The following CDH12 variants were observed in gnomAD, a reference collection of about 807,000 sequenced individuals.
The protein encoded by CDH12 is cadherin-12.
In CDH12, 41 loss-of-function variants were observed where a neutral mutation model predicts 74.1. The observed-to-expected ratio is 0.55, with a 90% CI of 0.43 to 0.72. The LOEUF (loss-of-function observed/expected upper bound fraction) is 0.72. CDH12 is among the 30% of genes least tolerant of loss of function. CDH12 has a pLI of 0.00. For missense variants in CDH12, 945 were observed against 977.2 expected, an observed-to-expected ratio of 0.97 and a Z score of 0.44; for synonymous variants, 399 against 355.0, an observed-to-expected ratio of 1.12 and a Z score of -1.39.
intron 1 of CDH12, among the ~76,000 whole-genome samples, chr5:22,795,205 T>G (rs867140021): frequency 6.6e-6 from 1 of 152,186 alleles, no homozygotes; most frequent in Non-Finnish European, 1.5e-5. Flanking sequence ...AAATTTCAAA[T>G]GACTAACTTT....
At chr5:22,246,882 C>G (rs1273477379) in intron 3 of CDH12, among the ~76,000 whole-genome samples, 1 of 152,010 alleles carries the variant, frequency 6.6e-6, no homozygotes, top group Admixed American at 6.6e-5. Flanking sequence ...CCTTTAGATA[C>G]TCATGAATGA....
At chr5:22,631,772 G>A (rs1326539864) in intron 1 of CDH12, among the ~76,000 whole-genome samples, 2 of 152,126 alleles carry the variant, frequency 1.3e-5, no homozygotes, top group Non-Finnish European at 2.9e-5. Flanking sequence ...AATCCTGGTG[G>A]AAGGCAAAGG....
At chr5:22,069,747 C>T (rs114429004) in intron 5 of CDH12, among the ~76,000 whole-genome samples, 80 of 152,160 alleles carry the variant, frequency 5.3e-4, no homozygotes, top group African/African-American at 1.9e-3. Flanking sequence ...GGATTGACAC[C>T]CCACAATGGA....
intron 2 of CDH12, among the ~76,000 whole-genome samples, chr5:22,481,025 T>TA (rs950394848): frequency 6.6e-6 from 1 of 152,218 alleles, no homozygotes; most frequent in Non-Finnish European, 1.5e-5. Flanking sequence ...TGACTAGTAT[T>TA]AAAAAAATTA....
intron 1 of CDH12, among the ~76,000 whole-genome samples, chr5:22,698,390 G>A (rs1395597138): frequency 1.3e-5 from 2 of 151,064 alleles, no homozygotes; most frequent in African/African-American, 4.9e-5. Context: ...CAAAATGCTG[G>A]GATTACAGGA....
At chr5:22,371,563 T>G (rs1029156139) in intron 3 of CDH12, among the ~76,000 whole-genome samples, 7 of 152,180 alleles carry the variant, frequency 4.6e-5, no homozygotes, top group African/African-American at 1.7e-4. Flanking sequence ...TATTATTATT[T>G]TTTAACCAAC....
At chr5:22,253,336 A>G (rs1311556981) in intron 3 of CDH12, among the ~76,000 whole-genome samples, 2 of 151,920 alleles carry the variant, frequency 1.3e-5, no homozygotes, top group African/African-American at 2.4e-5. Context: ...AAATAACTTT[A>G]TAACTGTTAA....
At chr5:22,697,868 G>C (rs1742461267) in intron 1 of CDH12, among the ~76,000 whole-genome samples, 2 of 151,982 alleles carry the variant, frequency 1.3e-5, no homozygotes, top group African/African-American at 2.4e-5. Context: ...GCATGTGCAC[G>C]AAGAAGAGGC....
intron 1 of CDH12, among the ~76,000 whole-genome samples, chr5:22,753,245 A>G (rs1351305893): frequency 2.0e-5 from 3 of 151,850 alleles, no homozygotes; most frequent in Non-Finnish European, 4.4e-5. Context: ...GAGGTAGAAG[A>G]TGAGGTGGTG....
intron 1 of CDH12, among the ~76,000 whole-genome samples, chr5:22,759,327 T>C (rs1746088786): frequency 6.6e-6 from 1 of 152,240 alleles, no homozygotes; most frequent in African/African-American, 2.4e-5. Context: ...CAGCTCATAA[T>C]TGAAATGATG....
chr5:22,275,122 T>G (rs1190295976), intron 3 of CDH12, among the ~76,000 whole-genome samples: 5 of 152,072 alleles, frequency 3.3e-5, no homozygotes, highest in African/African-American at 1.2e-4. Flanking sequence ...CACTGAGGCC[T>G]GTCAGGAGGT....
At chr5:22,211,054 C>T (rs536718499) in intron 4 of CDH12, among the ~76,000 whole-genome samples, 1 of 152,170 alleles carries the variant, frequency 6.6e-6, no homozygotes, top group African/African-American at 2.4e-5. Context: ...ATAGTTTACT[C>T]CTCTGGAAGA....
chr5:22,170,412 C>T (rs1748950501), intron 4 of CDH12, among the ~76,000 whole-genome samples: 1 of 151,738 alleles, frequency 6.6e-6, no homozygotes, highest in African/African-American at 2.4e-5. Flanking sequence ...ACTTCTTTGA[C>T]ATTTTTAAGG....
At chr5:21,977,900 G>A in intron 5 of CDH12, among the ~76,000 whole-genome samples, 1 of 152,128 alleles carries the variant, frequency 6.6e-6, no homozygotes, top group East Asian at 1.9e-4. Context: ...CCTTAAAGGA[G>A]ATCACATTCA....
At chr5:22,071,193 A>C (rs1741918719) in intron 5 of CDH12, among the ~76,000 whole-genome samples, 1 of 151,938 alleles carries the variant, frequency 6.6e-6, no homozygotes, top group South Asian at 2.1e-4. Context: ...TAAATAAATA[A>C]TATTTTCTTT....
chr5:22,434,840 A>G (rs1049712407), intron 2 of CDH12, among the ~76,000 whole-genome samples: 1 of 152,166 alleles, frequency 6.6e-6, no homozygotes, highest in Non-Finnish European at 1.5e-5. Flanking sequence ...GAGAATATGA[A>G]TAACTGCTAG....
In CDH12 at chr5:22,697,516, G is replaced by A. The variant is rs145367458; in HGVS notation, c.-523+155542C>T. On this transcript the variant is annotated intron_variant, in intron 1 of 14. Coordinates refer to ENST00000382254, the MANE Select transcript of CDH12 (RefSeq NM_004061.5). ...GAACCCGGGAGGCGGAGCTTGCAGT[G>A]AGCCGAGATAGCACCACTGCACTCC... Among the ~76,000 whole-genome samples, 15 of 145,742 alleles carry A rather than the reference G, an allele frequency of 1.0e-4. No individual in the cohort carries two copies. In the East Asian group the frequency reaches 3.0e-3, roughly 29 times the overall value.
intron 5 of CDH12, among the ~76,000 whole-genome samples, chr5:22,012,838 C>G (rs1157559108): frequency 7.1e-6 from 1 of 140,794 alleles, no homozygotes; most frequent in Admixed American, 7.5e-5. Context: ...TTATTGAGAC[C>G]AAATTGGAGT....
At chr5:21,843,663 C>G (rs962852647) in intron 7 of CDH12, among the ~76,000 whole-genome samples, 2 of 151,860 alleles carry the variant, frequency 1.3e-5, no homozygotes, top group Non-Finnish European at 2.9e-5. Context: ...TACAGGCATG[C>G]GCCACCATGC....
Sources: gnomAD v4.1 joint callset for allele counts (sites outside exome capture counted in the v4.1 genomes callset) on GRCh38, gnomAD v4.1.1 for gene constraint, MANE v1.5 for transcripts, NCBI Gene and HGNC (gene_info 2026-07-23, HGNC 2026-07-21) for gene names.